Variants in PCNX2 observed in about 807,000 individuals in gnomAD.
PCNX2 encodes pecanex-like protein 2.
In PCNX2, 168 loss-of-function variants were observed where a neutral mutation model predicts 223.8. The observed-to-expected ratio is 0.75, with a 90% CI of 0.66 to 0.85. The LOEUF (loss-of-function observed/expected upper bound fraction) is 0.85. PCNX2 is among the 40% of genes least tolerant of loss of function. The probability of loss-of-function intolerance (pLI) is 0.00; values close to 1 mark genes in which losing one functional copy is unlikely to be tolerated. For missense variants in PCNX2, 2,507 were observed against 2,675.5 expected (o/e 0.94, Z 1.39); for synonymous variants, 1,006 against 1,052.6 (o/e 0.96, Z 0.86).
chr1:233,232,058 T>C (rs970096268), intron 9 of PCNX2, among the ~76,000 whole-genome samples: 1 of 152,246 alleles, frequency 6.6e-6, no homozygotes, highest in African/African-American at 2.4e-5. Flanking sequence ...ATGTGAATTA[T>C]AACTGGATGT....
rs1670048566 is a variant in PCNX2 at position 233,000,582 on chromosome 1, C to T, written c.5098-47G>A. 1 of 1,502,380 alleles carries T rather than the reference C, an allele frequency of 6.7e-7. No homozygotes were observed. The highest frequency in any genetic ancestry group is 1.4e-5 in the African/African-American group (1 of 72,358). 93.1% of individuals were successfully genotyped at this position (1,502,380 alleles called of 1,614,324 possible). A position where few individuals can be genotyped will look rare whatever the true frequency, so the allele number is the denominator to read the frequency against. ...GTGGGCTGGGCAAGGACCAGAGGAA[C>T]TCACCCCCAGGAAGCATGCAGATGG... is the stretch of plus-strand genomic sequence containing the variant. On this transcript the variant is annotated intron_variant, in intron 29 of 33. Coordinates refer to ENST00000258229, the MANE Select transcript of PCNX2 (RefSeq NM_014801.4). The surrounding 1 kb of genome is among the most constrained non-coding windows in gnomAD (Gnocchi z 4.6).
chr1:233,119,925 G>A (rs1407079989), intron 21 of PCNX2, among the ~76,000 whole-genome samples: 3 of 152,042 alleles, frequency 2.0e-5, no homozygotes, highest in Admixed American at 6.5e-5. Context: ...CCAGCACTTT[G>A]GGAGGCCGAG....
chr1:233,241,213 A>G (rs1329299886), intron 8 of PCNX2: 2 of 985,400 alleles, frequency 2.0e-6, no homozygotes, highest in Non-Finnish European at 2.4e-6. Flanking sequence ...ATCGGAGAAA[A>G]AGGCAGCAAC....
At chr1:233,221,021 A>C (rs780462747) in intron 10 of PCNX2, among the ~76,000 whole-genome samples, 5 of 152,232 alleles carry the variant, frequency 3.3e-5, no homozygotes, top group Non-Finnish European at 7.3e-5. Flanking sequence ...GGGCCTCCTA[A>C]ACAAGGAAGG....
intron 23 of PCNX2, among the ~76,000 whole-genome samples, chr1:233,062,449 C>T (rs957904631): frequency 1.3e-5 from 2 of 151,950 alleles, no homozygotes; most frequent in African/African-American, 4.8e-5. Context: ...TTCTTTTTTT[C>T]CATATAAGTT....
At chr1:233,144,757 G>A (rs1205838723) in intron 19 of PCNX2, among the ~76,000 whole-genome samples, 3 of 151,582 alleles carry the variant, frequency 2.0e-5, no homozygotes, top group Admixed American at 6.6e-5. Flanking sequence ...TTGATTTTTG[G>A]GAGTTCTTTA....
At chr1:233,191,610 CTTATA>C (rs1680422428) in intron 15 of PCNX2, among the ~76,000 whole-genome samples, 1 of 152,012 alleles carries the variant, frequency 6.6e-6, no homozygotes, top group South Asian at 2.1e-4. Flanking sequence ...TATGCCAGAC[CTTATA>C]TTATAGATGG....
At chr1:233,177,337 C>T (rs1186573381) in intron 17 of PCNX2, among the ~76,000 whole-genome samples, 1 of 152,212 alleles carries the variant, frequency 6.6e-6, no homozygotes, top group Non-Finnish European at 1.5e-5. Flanking sequence ...GTTACTTCCT[C>T]CTTCCTTTGT....
chr1:233,007,309 T>C (rs1452305546), intron 28 of PCNX2, among the ~76,000 whole-genome samples: 3 of 151,970 alleles, frequency 2.0e-5, no homozygotes, highest in Non-Finnish European at 4.4e-5. Context: ...TTCCATAGGC[T>C]CCTCTCATTC....
At chr1:233,143,925 C>T (rs1008340547) in intron 19 of PCNX2, among the ~76,000 whole-genome samples, 8 of 151,696 alleles carry the variant, frequency 5.3e-5, no homozygotes, top group East Asian at 1.9e-4. Context: ...TTCTCTTTAC[C>T]GAATCATTCT....
At chr1:233,259,757 C>T in intron 4 of PCNX2, 8 of 650,098 alleles carry the variant, frequency 1.2e-5, no homozygotes, top group Non-Finnish European at 1.5e-5. Context: ...ATGATGGTTT[C>T]CAGCTTCATC....
rs370445082 is a variant in PCNX2, at chr1:232,984,298, C to T, written c.*6G>A. ...GAGCCAGCCTCCCCGCCCGGCCGCA[C>T]GCCCGTCACTGCTCGTCTGACACAC... is the stretch of plus-strand genomic sequence containing the variant. On this transcript the variant is annotated 3_prime_UTR_variant, in exon 34 of 34. Coordinates refer to ENST00000258229, the MANE Select transcript of PCNX2 (RefSeq NM_014801.4). 1.1e-5 allele frequency: 17 copies of T among 1,592,648 alleles called. No individual in the cohort carries two copies. Among genetic ancestry groups the T allele is most frequent in the East Asian group, 4.5e-5 (2 of 44,182 alleles).
intron 25 of PCNX2, among the ~76,000 whole-genome samples, chr1:233,052,063 T>C (rs896715729): frequency 6.6e-6 from 1 of 152,200 alleles, no homozygotes; most frequent in South Asian, 2.1e-4. Context: ...TAGAGTTTTA[T>C]CACTAGTTCC....
chr1:232,995,917 G>A (rs951364065), intron 32 of PCNX2, among the ~76,000 whole-genome samples: 3 of 152,088 alleles, frequency 2.0e-5, no homozygotes, highest in Non-Finnish European at 4.4e-5. Flanking sequence ...GAGTGCTGTG[G>A]CGTGATCTCG....
chr1:233,143,258 A>G (rs1677233226), intron 19 of PCNX2, among the ~76,000 whole-genome samples: 1 of 152,206 alleles, frequency 6.6e-6, no homozygotes, highest in African/African-American at 2.4e-5. Flanking sequence ...CTCACTTCTC[A>G]TAGCTGTACG....
chr1:233,128,373 C>T (rs992048629), intron 21 of PCNX2, among the ~76,000 whole-genome samples: 4 of 151,760 alleles, frequency 2.6e-5, no homozygotes, highest in Admixed American at 6.6e-5. Context: ...CGTGCTCTGT[C>T]GCCCAGGCTG....
chr1:233,204,564 C>T (rs1054448988), intron 13 of PCNX2, among the ~76,000 whole-genome samples: 1 of 152,182 alleles, frequency 6.6e-6, no homozygotes, highest in African/African-American at 2.4e-5. Flanking sequence ...AGGGAATAGA[C>T]AGTGAATAAG....
rs555506590 is a variant in PCNX2, at chr1:233,098,031, C to T, written c.3838-2168G>A. 2.0e-5 allele frequency among the ~76,000 whole-genome samples: 3 copies of T among 152,236 alleles called. No individual in the cohort carries two copies. The East Asian group carries it at 5.8e-4, about 29-fold the overall frequency. ...GATTTGAAATCTTCTAGTCACCCCC[C>T]TATTAAGAATTCTTAGTTGAGTTAT... On this transcript the variant is annotated intron_variant, in intron 21 of 33. Transcript: ENST00000258229.
Position 233,117,551 on chromosome 1 carries a change from A to G in PCNX2, c.3837+17462T>C, listed in dbSNP as rs926623450. On this transcript the variant is annotated intron_variant, in intron 21 of 33. Transcript: ENST00000258229. ...GGGAGGCGGAGCTTGCAATGAGCCG[A>G]GATCGCGCCACTGGACTACAGCCTG... Among the ~76,000 whole-genome samples the G allele has an allele frequency of 2.0e-5, 3 of 148,148 alleles. No individual in the cohort carries two copies. The Admixed American group carries it at 2.0e-4, about 10-fold the overall frequency.
Sources: allele counts gnomAD v4.1 joint callset (sites outside exome capture counted in the v4.1 genomes callset), GRCh38; gene constraint gnomAD v4.1.1; non-coding constraint Gnocchi (gnomAD v3.1); transcripts MANE v1.5; gene names NCBI Gene and HGNC (gene_info 2026-07-23, HGNC 2026-07-21).